Variants in ZCCHC7 observed in about 807,000 individuals in gnomAD.
The protein encoded by ZCCHC7 is zinc finger CCHC domain-containing protein 7.
Under a neutral mutation model 52.0 loss-of-function variants are expected in ZCCHC7, and 35 were observed. That is an observed-to-expected ratio of 0.67 (90% confidence interval 0.51 to 0.89). The LOEUF (loss-of-function observed/expected upper bound fraction) is 0.89, where lower values mean the gene tolerates loss of function less well. Among genes scored for constraint, ZCCHC7 ranks in the 40% least tolerant of loss-of-function variants. The probability of loss-of-function intolerance (pLI) is 0.00; values close to 1 mark genes in which losing one functional copy is unlikely to be tolerated. For missense variants in ZCCHC7, 574 were observed against 649.1 expected, an observed-to-expected ratio of 0.88 and a Z score of 1.26; for synonymous variants, 217 against 221.5, an observed-to-expected ratio of 0.98 and a Z score of 0.18.
chr9:37,339,785 C>T (rs1830836439), intron 6 of ZCCHC7, among the ~76,000 whole-genome samples: 1 of 152,052 alleles, frequency 6.6e-6, no homozygotes, highest in Non-Finnish European at 1.5e-5. Context: ...AAAATAAATC[C>T]ATTTTGCATT....
intron 2 of ZCCHC7, among the ~76,000 whole-genome samples, chr9:37,207,483 A>C (rs1450353705): frequency 1.0e-5 from 1 of 99,904 alleles, no homozygotes. Context: ...ACTTTTATTT[A>C]TTATTTCTCC....
At chr9:37,270,684 A>G (rs1243847730) in intron 2 of ZCCHC7, among the ~76,000 whole-genome samples, 1 of 147,048 alleles carries the variant, frequency 6.8e-6, no homozygotes, top group Non-Finnish European at 1.5e-5. Context: ...CTTTGTCTCA[A>G]AAAAAAAAAA....
chr9:37,342,542 A>G lies in ZCCHC7; in HGVS notation c.988-6815A>G, dbSNP rs370741250. Among the ~76,000 whole-genome samples the G allele has an allele frequency of 1.1e-4, 16 of 152,366 alleles. No homozygotes were observed. In the East Asian group the frequency reaches 1.5e-3, roughly 15 times the overall value. ...TAAGGACTGAGCCCTGGGGCACTGC[A>G]GTGTAATTGGACAGAGAGATGGATA... is the stretch of plus-strand genomic sequence containing the variant. On this transcript the variant is annotated intron_variant, in intron 6 of 8. Transcript: ENST00000336755.
intron 2 of ZCCHC7, among the ~76,000 whole-genome samples, chr9:37,182,532 T>C (rs1822419720): frequency 6.6e-6 from 1 of 152,008 alleles, no homozygotes; most frequent in Non-Finnish European, 1.5e-5. Flanking sequence ...GGCTGGCTAA[T>C]TTTTGTATTT....
intron 2 of ZCCHC7, among the ~76,000 whole-genome samples, chr9:37,219,118 T>TA (rs1308289668): frequency 6.6e-6 from 1 of 152,070 alleles, no homozygotes; most frequent in Non-Finnish European, 1.5e-5. Flanking sequence ...AAATGTTCTT[T>TA]AAAAATGAAA....
intron 2 of ZCCHC7, among the ~76,000 whole-genome samples, chr9:37,227,949 C>T (rs1825200077): frequency 1.3e-5 from 2 of 152,086 alleles, no homozygotes; most frequent in South Asian, 4.1e-4. Context: ...GTGCACACCA[C>T]CACACCCAGC....
chr9:37,153,486 T>C (rs1820646241), intron 2 of ZCCHC7, among the ~76,000 whole-genome samples: 1 of 151,946 alleles, frequency 6.6e-6, no homozygotes, highest in South Asian at 2.1e-4. Context: ...TTATTATTTG[T>C]GGTTATTTTT....
intron 2 of ZCCHC7, among the ~76,000 whole-genome samples, chr9:37,291,194 A>G (rs555836545): frequency 1.3e-5 from 2 of 152,356 alleles, no homozygotes; most frequent in South Asian, 4.1e-4. Context: ...CACAATTTTT[A>G]GATGAATCAG....
At chr9:37,216,921 A>T (rs1206466490) in intron 2 of ZCCHC7, among the ~76,000 whole-genome samples, 2 of 152,164 alleles carry the variant, frequency 1.3e-5, no homozygotes, top group Non-Finnish European at 2.9e-5. Context: ...TTCTAATAAT[A>T]ATTATTAAAT....
chr9:37,192,506 G>T (rs572893550), intron 2 of ZCCHC7, among the ~76,000 whole-genome samples: 54 of 152,288 alleles, frequency 3.5e-4, no homozygotes, highest in African/African-American at 1.3e-3. Context: ...AAACATGATT[G>T]TAAGACAGCA....
At chr9:37,312,355 A>G (rs912176893) in intron 5 of ZCCHC7, among the ~76,000 whole-genome samples, 1 of 148,920 alleles carries the variant, frequency 6.7e-6, no homozygotes, top group African/African-American at 2.6e-5. Context: ...GTACTAGGGG[A>G]AAAAAAGATG....
intron 2 of ZCCHC7, among the ~76,000 whole-genome samples, chr9:37,212,223 C>G (rs1387596469): frequency 4.0e-5 from 6 of 151,772 alleles, no homozygotes; most frequent in Non-Finnish European, 8.8e-5. Flanking sequence ...TGTTGCTAAA[C>G]ATCCTGCCAC....
intron 5 of ZCCHC7, among the ~76,000 whole-genome samples, chr9:37,309,736 A>G (rs1829504459): frequency 6.6e-6 from 1 of 152,218 alleles, no homozygotes; most frequent in African/African-American, 2.4e-5. Flanking sequence ...AGCCTGGCCA[A>G]CACAGCAAAA....
intron 2 of ZCCHC7, among the ~76,000 whole-genome samples, chr9:37,297,716 G>A (rs1361969506): frequency 6.6e-6 from 1 of 151,946 alleles, no homozygotes; most frequent in Non-Finnish European, 1.5e-5. Flanking sequence ...GCTGAACTGA[G>A]CCCTCTGTCT....
chr9:37,188,210 G>A (rs1203590621), intron 2 of ZCCHC7, among the ~76,000 whole-genome samples: 1 of 152,066 alleles, frequency 6.6e-6, no homozygotes, highest in Non-Finnish European at 1.5e-5. Context: ...AAGTGCAGTG[G>A]TGTGATCACA....
chr9:37,187,991 A>G (rs1262511922), intron 2 of ZCCHC7, among the ~76,000 whole-genome samples: 1 of 152,180 alleles, frequency 6.6e-6, no homozygotes, highest in African/African-American at 2.4e-5. Context: ...AATGCAAGTG[A>G]AACTTAAGAA....
intron 2 of ZCCHC7, among the ~76,000 whole-genome samples, chr9:37,129,403 A>G (rs1289828829): frequency 6.6e-6 from 1 of 152,232 alleles, no homozygotes; most frequent in Admixed American, 6.5e-5. Context: ...ATACTCAAAT[A>G]TATATTCTCC....
chr9:37,277,618 T>C (rs1051787980), intron 2 of ZCCHC7, among the ~76,000 whole-genome samples: 1 of 152,224 alleles, frequency 6.6e-6, no homozygotes, highest in Non-Finnish European at 1.5e-5. Flanking sequence ...TTTAGTATTT[T>C]ATGCTTGAGG....
At chr9:37,163,129 A>T (rs138158592) in intron 2 of ZCCHC7, among the ~76,000 whole-genome samples, 1 of 151,998 alleles carries the variant, frequency 6.6e-6, no homozygotes, top group African/African-American at 2.4e-5. Context: ...TGAACCCGGG[A>T]GGTGGAGGTT....
Sources: gnomAD v4.1 joint callset for allele counts (sites outside exome capture counted in the v4.1 genomes callset) on GRCh38, gnomAD v4.1.1 for gene constraint, MANE v1.5 for transcripts, NCBI Gene and HGNC (gene_info 2026-07-23, HGNC 2026-07-21) for gene names.